Variants in ECH1 observed in about 807,000 individuals in gnomAD.
ECH1 encodes delta(3,5)-Delta(2,4)-dienoyl-CoA isomerase, mitochondrial.
ECH1 carries 30 observed loss-of-function variants against 37.0 expected under a neutral mutation model. The ratio of observed to expected loss-of-function variants is 0.81; its 90% CI spans 0.61 to 1.10. ECH1 has a LOEUF of 1.10. Ranked by LOEUF, ECH1 falls within the 50% of genes least tolerant of loss-of-function variation. ECH1 has a pLI of 0.00. For synonymous variants in ECH1, 178 were observed against 176.0 expected (o/e 1.01, Z -0.09); for missense variants, 456 against 441.6 (o/e 1.03, Z -0.29).
At chr19:38,831,008 G>T in intron 3 of ECH1, 70 bp downstream of exon 3, 3 of 1,364,368 alleles carry the variant, frequency 2.2e-6, no homozygotes, top group Admixed American at 1.8e-5. Context: ...CCCTAATTCA[G>T]AAGCACTGCT....
chr19:38,822,028 G>A (rs757184975), intron 3 of ECH1, among the ~76,000 whole-genome samples: 7 of 152,208 alleles, frequency 4.6e-5, no homozygotes, highest in Admixed American at 1.3e-4. Context: ...TGGGGACTTG[G>A]AGAACGTTTA....
chr19:38,816,113 G>A, intron 8 of ECH1, 106 bp from the exon 9 acceptor site: 1 of 1,530,434 alleles, frequency 6.5e-7, no homozygotes, highest in East Asian at 2.3e-5. Flanking sequence ...CAAGACCCCA[G>A]AGAAACAGCC....
At chr19:38,826,830 TCA>T (rs1971746134) in intron 3 of ECH1, among the ~76,000 whole-genome samples, 1 of 152,068 alleles carries the variant, frequency 6.6e-6, no homozygotes, top group African/African-American at 2.4e-5. Flanking sequence ...CTCTGGTCCT[TCA>T]ATATATGGAT....
chr19:38,823,645 C>T (rs1441098381), intron 3 of ECH1, among the ~76,000 whole-genome samples: 1 of 152,172 alleles, frequency 6.6e-6, no homozygotes, highest in Non-Finnish European at 1.5e-5. Context: ...CGAGGGTCGA[C>T]AGAGAGGAAA....
At chr19:38,830,092 G>A (rs776203822) in intron 3 of ECH1, among the ~76,000 whole-genome samples, 1 of 152,210 alleles carries the variant, frequency 6.6e-6, no homozygotes, top group African/African-American at 2.4e-5. Context: ...AGGAAGCAGA[G>A]GTTGCAGTGA....
intron 3 of ECH1, among the ~76,000 whole-genome samples, chr19:38,824,771 T>C (rs1367947508): frequency 6.6e-6 from 1 of 152,194 alleles, no homozygotes; most frequent in Non-Finnish European, 1.5e-5. Flanking sequence ...CTTACCACCA[T>C]ATCCTAGCCT....
At chr19:38,827,404 G>A (rs146522964) in intron 3 of ECH1, among the ~76,000 whole-genome samples, 3 of 152,194 alleles carry the variant, frequency 2.0e-5, no homozygotes, top group Non-Finnish European at 4.4e-5. Flanking sequence ...ACAATTATCT[G>A]AAGGCACTGG....
chr19:38,826,475 C>T (rs1442901202), intron 3 of ECH1, among the ~76,000 whole-genome samples: 1 of 152,210 alleles, frequency 6.6e-6, no homozygotes, highest in Non-Finnish European at 1.5e-5. Context: ...CCCTACAACA[C>T]CCCAATTCTA....
chr19:38,817,093 C>A lies in ECH1; in HGVS notation c.560G>T (p.Cys187Phe). ...CACCTGGAAGAAAGCATCCTGGGCACAGTACCGGATGTCACAGGCGGTGAC... is the reference window on the plus strand; with the variant it reads ...CACCTGGAAGAAAGCATCCTGGGCAAAGTACCGGATGTCACAGGCGGTGAC... ...DLVTACDIRY[C>F]AQDAFFQVKE... Residue 187 changes from cysteine (C) to phenylalanine (F), a missense_variant, in exon 6 of 10, where the codon TGT becomes TTT. Transcript: ENST00000221418. The A allele has an allele frequency of 6.3e-7, 1 of 1,577,362 alleles. No homozygotes were observed. Among genetic ancestry groups the A allele is most frequent in the Non-Finnish European group, 8.6e-7 (1 of 1,161,764 alleles).
At chr19:38,818,487 TA>T (rs1971610609) in intron 3 of ECH1, 1 of 696,270 alleles carries the variant, frequency 1.4e-6, no homozygotes, top group African/African-American at 1.9e-5. Flanking sequence ...TCTTTTTTTT[TA>T]TTTTATTTTT....
intron 3 of ECH1, among the ~76,000 whole-genome samples, chr19:38,828,433 T>C (rs772940818): frequency 1.4e-4 from 21 of 150,036 alleles, no homozygotes; most frequent in Non-Finnish European, 2.4e-4. Context: ...GGTTTCACCA[T>C]GTTGGCCAGG....
chr19:38,826,561 T>C (rs1345118846), intron 3 of ECH1, among the ~76,000 whole-genome samples: 3 of 152,212 alleles, frequency 2.0e-5, no homozygotes, highest in African/African-American at 7.2e-5. Flanking sequence ...AATTTCTCTA[T>C]ATCCAGCTGT....
chr19:38,831,278 C>A, intron 2 of ECH1, 31 bp downstream of exon 2: 1 of 1,606,184 alleles, frequency 6.2e-7, no homozygotes, highest in South Asian at 1.1e-5. Flanking sequence ...CCTCCCCCCG[C>A]AGGCAGGCCT....
chr19:38,827,416 C>T (rs1202679100), intron 3 of ECH1, among the ~76,000 whole-genome samples: 2 of 152,006 alleles, frequency 1.3e-5, no homozygotes, highest in African/African-American at 2.4e-5. Context: ...AGGCACTGGG[C>T]AGATTCTGGA....
At chr19:38,817,272 C>T in intron 5 of ECH1, 44 bp downstream of exon 5, 3 of 1,530,946 alleles carry the variant, frequency 2.0e-6, no homozygotes, top group Non-Finnish European at 2.6e-6. Context: ...GAGCAGCAGC[C>T]CCACCTGGGG....
chr19:38,831,598 C>A, intron 1 of ECH1, 82 bp from the exon 2 acceptor site: 2 of 1,553,168 alleles, frequency 1.3e-6, no homozygotes, highest in South Asian at 1.1e-5. Flanking sequence ...CAAAAGGGAG[C>A]ACACGCACCC....
intron 3 of ECH1, chr19:38,818,489 TTTTA>T: frequency 1.6e-6 from 1 of 609,988 alleles, no homozygotes; most frequent in East Asian, 1.4e-4. Context: ...TTTTTTTTTA[TTTTA>T]TTTTTTTTAT....
Position 38,815,840 on chromosome 19 carries a change from C to G in ECH1, c.882+17G>C. 6.2e-7 allele frequency: 1 copy of G among 1,613,984 alleles called. No homozygotes were observed. The highest frequency in any genetic ancestry group is 8.5e-7 in the Non-Finnish European group (1 of 1,179,896). ...GGGTTAGAGGAGGGCTGTGATTGGT[C>G]GGAGCGTGCACCTTACCACGTAGTT... On this transcript the variant is annotated intron_variant, in intron 9 of 9. Coordinates refer to ENST00000221418, the MANE Select transcript of ECH1 (RefSeq NM_001398.3).
chr19:38,828,270 CA>C (rs575538086), intron 3 of ECH1, among the ~76,000 whole-genome samples: 202 of 152,286 alleles, frequency 1.3e-3, no homozygotes, highest in Admixed American at 4.4e-3. Flanking sequence ...TCGCTCTTGT[CA>C]CCAAGGCTGG....
Sources: gnomAD v4.1 joint callset for allele counts (sites outside exome capture counted in the v4.1 genomes callset) on GRCh38, gnomAD v4.1.1 for gene constraint, MANE v1.5 for transcripts, NCBI Gene and HGNC (gene_info 2026-07-23, HGNC 2026-07-21) for gene names.